GRM5: variants seen among roughly 807,000 people sequenced by gnomAD.
GRM5 encodes the protein metabotropic glutamate receptor 5.
GRM5 carries 19 observed loss-of-function variants against 83.1 expected under a neutral mutation model. That is an observed-to-expected ratio of 0.23 (90% CI 0.16 to 0.34). GRM5 has a LOEUF of 0.34. GRM5 is among the 10% of genes least tolerant of loss of function. The probability of loss-of-function intolerance (pLI) is 1.00; values close to 1 mark genes in which losing one functional copy is unlikely to be tolerated. For synonymous variants in GRM5, 675 were observed against 633.6 expected (o/e 1.07, Z -0.98); for missense variants, 1,160 against 1,588.3 (o/e 0.73, Z 4.58).
chr11:88,850,447 A>G (rs1161534915), intron 2 of GRM5, among the ~76,000 whole-genome samples: 1 of 152,146 alleles, frequency 6.6e-6, no homozygotes, highest in African/African-American at 2.4e-5. Flanking sequence ...CTCTTATTCT[A>G]AATATGAGCT....
rs1942793646 is a variant in GRM5 at position 88,563,067 on chromosome 11, A to C, written c.2630+3986T>G. 2.0e-5 allele frequency among the ~76,000 whole-genome samples: 3 copies of C among 152,222 alleles called. No homozygotes were observed. The South Asian group carries it at 6.2e-4, about 31-fold the overall frequency. ...AGGAAAATGAACTCTAAAGAGTATA[A>C]GTGTTTGAAAACAGGCTTTCTGCTA... On this transcript the variant is annotated intron_variant, in intron 8 of 9. Coordinates refer to ENST00000305447, the MANE Select transcript of GRM5 (RefSeq NM_001143831.3).
intron 4 of GRM5, among the ~76,000 whole-genome samples, chr11:88,606,720 T>A (rs1025824400): frequency 1.9e-4 from 29 of 152,194 alleles, no homozygotes; most frequent in Non-Finnish European, 3.5e-4. Flanking sequence ...GGGAATGCAG[T>A]GATCCCAATG....
At chr11:88,951,017 A>G (rs1296681833) in intron 2 of GRM5, among the ~76,000 whole-genome samples, 1 of 152,238 alleles carries the variant, frequency 6.6e-6, no homozygotes, top group African/African-American at 2.4e-5. Context: ...TATTTAGCAG[A>G]GAAAAATCAG....
intron 2 of GRM5, among the ~76,000 whole-genome samples, chr11:88,964,340 G>C (rs1391580193): frequency 6.7e-6 from 1 of 150,186 alleles, no homozygotes. Flanking sequence ...ATTTTTCTGA[G>C]AGTAACAGTA....
intron 1 of GRM5, among the ~76,000 whole-genome samples, chr11:89,054,795 C>T (rs1941837755): frequency 1.3e-5 from 2 of 152,178 alleles, no homozygotes; most frequent in Admixed American, 6.5e-5. Flanking sequence ...TTGATTTTCT[C>T]AAGAAATATT....
chr11:88,765,146 A>C (rs112957789), intron 3 of GRM5, among the ~76,000 whole-genome samples: 1 of 151,580 alleles, frequency 6.6e-6, no homozygotes, highest in Admixed American at 6.6e-5. Flanking sequence ...CCAAGACTAA[A>C]TCATAAAGAA....
intron 2 of GRM5, among the ~76,000 whole-genome samples, chr11:88,884,963 T>C (rs1945017718): frequency 6.6e-6 from 1 of 152,192 alleles, no homozygotes; most frequent in South Asian, 2.1e-4. Flanking sequence ...TAATATACCA[T>C]ATTTGTCCTT....
At chr11:89,000,841 G>A (rs528415055) in intron 2 of GRM5, among the ~76,000 whole-genome samples, 2 of 151,886 alleles carry the variant, frequency 1.3e-5, no homozygotes, top group African/African-American at 2.4e-5. Context: ...AATATAGAAA[G>A]ACTTAAAACT....
chr11:89,049,027 T>C (rs1229723946), intron 1 of GRM5, among the ~76,000 whole-genome samples: 1 of 152,190 alleles, frequency 6.6e-6, no homozygotes, highest in African/African-American at 2.4e-5. Context: ...TGTTATTAAA[T>C]TTTCAAGGGC....
At chr11:89,061,271 T>G (rs1941987354) in intron 1 of GRM5, among the ~76,000 whole-genome samples, 1 of 152,162 alleles carries the variant, frequency 6.6e-6, no homozygotes, top group Non-Finnish European at 1.5e-5. Context: ...ATAGAAAACC[T>G]GGGATAAAAT....
intron 4 of GRM5, among the ~76,000 whole-genome samples, chr11:88,622,473 C>T (rs1437823822): frequency 6.6e-6 from 1 of 152,164 alleles, no homozygotes; most frequent in East Asian, 1.9e-4. Context: ...TGCTTAAATA[C>T]ACTATCCACC....
At chr11:88,671,864 C>CAATTTAACACCATGAAA (rs1940202022) in intron 3 of GRM5, among the ~76,000 whole-genome samples, 2 of 151,982 alleles carry the variant, frequency 1.3e-5, no homozygotes, top group African/African-American at 4.8e-5. Flanking sequence ...TTTAAATGGG[C>CAATTTAACACCATGAAA]TTGTTAATTT....
chr11:88,735,416 CTTTG>C (rs1412583968), intron 3 of GRM5, among the ~76,000 whole-genome samples: 3 of 152,134 alleles, frequency 2.0e-5, no homozygotes, highest in Admixed American at 6.6e-5. Context: ...ACTGGTAAAA[CTTTG>C]TTTGTCCCTG....
chr11:89,051,268 G>C (rs1465191069), intron 1 of GRM5, among the ~76,000 whole-genome samples: 1 of 149,974 alleles, frequency 6.7e-6, no homozygotes, highest in African/African-American at 2.5e-5. Context: ...AAAAGAAAAA[G>C]AAAAATATAC....
At chr11:88,710,808 C>T (rs1407932551) in intron 3 of GRM5, among the ~76,000 whole-genome samples, 2 of 151,892 alleles carry the variant, frequency 1.3e-5, no homozygotes, top group African/African-American at 4.8e-5. Flanking sequence ...CGTAAAATCT[C>T]TACAAAAAGA....
intron 3 of GRM5, among the ~76,000 whole-genome samples, chr11:88,687,681 A>T (rs1940682379): frequency 7.2e-6 from 1 of 139,848 alleles, no homozygotes; most frequent in South Asian, 2.3e-4. Flanking sequence ...TTCACTAGGA[A>T]AAATGGTAAT....
chr11:88,601,529 A>T (rs1410576252), intron 5 of GRM5, among the ~76,000 whole-genome samples: 1 of 152,122 alleles, frequency 6.6e-6, no homozygotes, highest in Admixed American at 6.5e-5. Flanking sequence ...TCTACTTAAT[A>T]TTGAGTCACT....
chr11:88,630,905 T>C (rs1938952657), intron 4 of GRM5, among the ~76,000 whole-genome samples: 1 of 152,148 alleles, frequency 6.6e-6, no homozygotes, highest in Non-Finnish European at 1.5e-5. Flanking sequence ...AGTCAAGATC[T>C]TTCACATCAT....
intron 2 of GRM5, among the ~76,000 whole-genome samples, chr11:89,037,006 ACT>A (rs893023947): frequency 2.0e-5 from 3 of 152,080 alleles, no homozygotes; most frequent in African/African-American, 7.2e-5. Flanking sequence ...TTTTTGGGAC[ACT>A]CAGAGAATAG....
Sources: allele counts gnomAD v4.1 joint callset (sites outside exome capture counted in the v4.1 genomes callset), GRCh38; gene constraint gnomAD v4.1.1; transcripts MANE v1.5; gene names NCBI Gene and HGNC (gene_info 2026-07-23, HGNC 2026-07-21).